The following DST variants were observed in gnomAD, a reference collection of about 807,000 sequenced individuals.
DST encodes dystonin.
In DST, 253 loss-of-function variants were observed where a neutral mutation model predicts 875.2. That is an observed-to-expected ratio of 0.29 (90% CI 0.26 to 0.32). The LOEUF (loss-of-function observed/expected upper bound fraction) is 0.32, where lower values mean the gene tolerates loss of function less well. Ranked by LOEUF, DST falls within the 10% of genes least tolerant of loss-of-function variation. The pLI is 1.00. For synonymous variants in DST, 3,124 were observed against 3,197.1 expected, an observed-to-expected ratio of 0.98 and a Z score of 0.77; for missense variants, 8,287 against 9,111.6, an observed-to-expected ratio of 0.91 and a Z score of 3.68.
chr6:56,557,362 G>A lies in DST; in HGVS notation c.14597C>T (p.Ser4866Leu). The A allele has an allele frequency of 2.5e-6, 4 of 1,613,660 alleles. No individual in the cohort carries two copies. Among genetic ancestry groups the A allele is most frequent in the South Asian group, 1.1e-5 (1 of 91,034 alleles). The change falls in exon 59 of 104, where the codon TCA becomes TTA. Residue 4866 changes from serine (S) to leucine (L), a missense_variant. By Grantham distance (145) the Ser-to-Leu change is moderately radical. Around this residue, in one of 10 missense-constraint regions of DST, gnomAD observed 1,513 missense variants for 1,677.8 expected, o/e 0.90. Transcript: ENST00000680361. The stretch of plus-strand genomic sequence containing the variant: ...TGTGTTTAGCATATTTGGGTCAATT[G>A]ACAAGGGCCCAAGAACACTGACCAT... ...ELMVSVLGPL[S>L]IDPNMLNTQR...
chr6:56,925,797 C>T (rs1806763265), intron 2 of DST, among the ~76,000 whole-genome samples: 1 of 152,218 alleles, frequency 6.6e-6, no homozygotes. Flanking sequence ...GTCATCTTAT[C>T]TCCCAATGAA....
intron 3 of DST, among the ~76,000 whole-genome samples, chr6:56,866,172 T>C (rs556519538): frequency 1.9e-4 from 29 of 152,128 alleles, no homozygotes; most frequent in African/African-American, 7.0e-4. Context: ...TTTTTTGTAT[T>C]TTTAGTAGAG....
intron 4 of DST, among the ~76,000 whole-genome samples, chr6:56,834,813 A>C (rs990573568): frequency 1.3e-5 from 2 of 152,204 alleles, no homozygotes; most frequent in Non-Finnish European, 2.9e-5. Flanking sequence ...GTTTCTCACA[A>C]AGCTAAACGT....
chr6:56,654,891 T>C lies in DST; in HGVS notation c.1215-3647A>G, dbSNP rs145859408. Among the ~76,000 whole-genome samples the C allele has an allele frequency of 3.8e-3, 585 of 152,294 alleles. 4 individuals carry two copies. The highest frequency in any genetic ancestry group is 0.014 in the African/African-American group (563 of 41,546). ...TGGCTAAAGATCAGGCTGGGCGCAGTGGCTCATGCCTGTAATCCCAGCACT... is the reference window on the plus strand; with the variant it reads ...TGGCTAAAGATCAGGCTGGGCGCAGCGGCTCATGCCTGTAATCCCAGCACT... On this transcript the variant is annotated intron_variant, in intron 10 of 103. Coordinates refer to ENST00000680361, the MANE Select transcript of DST (RefSeq NM_001374736.1).
At chr6:56,812,018 C>T (rs2099760541) in intron 4 of DST, among the ~76,000 whole-genome samples, 1 of 150,648 alleles carries the variant, frequency 6.6e-6, no homozygotes. Flanking sequence ...ATGAGAACTG[C>T]TTGAACCCAG....
chr6:56,562,456 T>C (rs1255690740), intron 55 of DST, among the ~76,000 whole-genome samples: 1 of 151,980 alleles, frequency 6.6e-6, no homozygotes, highest in Admixed American at 6.5e-5. Flanking sequence ...TAAATATTAA[T>C]TCATAAAAAT....
chr6:56,608,655 A>G lies in DST; in HGVS notation c.5973T>C (p.Leu1991=). ...ETMFRLLSAQ[L]LSGGLINSNS... ...TGGAATTGATCAGACCTCCAGAAAG[A>G]AGCTGTGCACTTAACAACCTAAACA... Residue 1991 remains leucine, a synonymous_variant, in exon 40 of 104, where the codon CTT becomes CTC. Coordinates refer to ENST00000680361, the MANE Select transcript of DST (RefSeq NM_001374736.1). 6.2e-7 allele frequency: 1 copy of G among 1,613,224 alleles called. No homozygotes were observed. The highest frequency in any genetic ancestry group is 8.5e-7 in the Non-Finnish European group (1 of 1,179,578).
chr6:56,520,594 G>A (rs2096677442), intron 69 of DST, among the ~76,000 whole-genome samples: 1 of 152,026 alleles, frequency 6.6e-6, no homozygotes, highest in Admixed American at 6.6e-5. Flanking sequence ...ACAGCTGCAG[G>A]TGAACTTAGA....
chr6:56,657,610 G>A (rs1276368953), intron 10 of DST, among the ~76,000 whole-genome samples: 2 of 152,214 alleles, frequency 1.3e-5, no homozygotes, highest in East Asian at 3.9e-4. Flanking sequence ...AGTTTCACGG[G>A]TACACAGCTT....
chr6:56,500,463 GGA>G (rs2096081867), intron 80 of DST, among the ~76,000 whole-genome samples: 1 of 152,098 alleles, frequency 6.6e-6, no homozygotes, highest in South Asian at 2.1e-4. Context: ...ATCAAGTGCA[GGA>G]CATATAACAA....
intron 61 of DST, among the ~76,000 whole-genome samples, chr6:56,545,817 A>G (rs2152541612): frequency 6.6e-6 from 1 of 152,316 alleles, no homozygotes. Context: ...TTGGCCTGAT[A>G]GCTCTTGAAA....
rs1330065307 is a variant in DST at position 56,529,720 on chromosome 6, T to C, written c.17323A>G (p.Ile5775Val). 6.2e-7 allele frequency: 1 copy of C among 1,612,554 alleles called. No individual in the cohort carries two copies. Among genetic ancestry groups the C allele is most frequent in the Non-Finnish European group, 8.5e-7 (1 of 1,179,348 alleles). Reference sequence around the variant, plus strand: ...CTCAAAACCTTTAAGGACTGGCCAATGCTAACAGCCTGGTGTAAATGTTTA... The same window carrying C: ...CTCAAAACCTTTAAGGACTGGCCAACGCTAACAGCCTGGTGTAAATGTTTA... ...HNKHLHQAVS[I>V]GQSLKVLSSR... The change falls in exon 66 of 104, where the codon ATT (isoleucine) becomes GTT (valine). Residue 5775 changes from isoleucine (I) to valine (V), a missense_variant. Transcript: ENST00000680361.
chr6:56,786,218 C>T (rs1466986008), intron 4 of DST, among the ~76,000 whole-genome samples: 1 of 152,184 alleles, frequency 6.6e-6, no homozygotes, highest in Non-Finnish European at 1.5e-5. Context: ...TTCATTCCCC[C>T]ATCTCCAAGT....
rs57546639 is a variant in DST, at chr6:56,492,943, G to A, written c.20541C>T (p.Asp6847=). The A allele has an allele frequency of 6.0e-4, 967 of 1,603,556 alleles. 5 individuals carry two copies. The African/African-American group carries it at 0.012, about 19-fold the overall frequency. ...TTGACTCACTACATACCTTGTGTTC[G>A]TCAATTTGAAATAAGACTGTGTCCA... The part of the protein sequence containing the change: ...LILDTVLFQI[D]EHKVFANEVN... The change falls in exon 84 of 104, where the codon GAC becomes GAT. Residue 6847 remains aspartate (D), a synonymous_variant. Coordinates refer to ENST00000680361, the MANE Select transcript of DST (RefSeq NM_001374736.1).
chr6:56,501,415 T>A, intron 79 of DST, 105 bp downstream of exon 79: 1 of 1,149,264 alleles, frequency 8.7e-7, no homozygotes, highest in Non-Finnish European at 1.2e-6. Flanking sequence ...TAAAATAGAA[T>A]ATATGAGAAG....
chr6:56,705,332 C>T (rs2152884333), intron 5 of DST, among the ~76,000 whole-genome samples: 1 of 152,292 alleles, frequency 6.6e-6, no homozygotes, highest in African/African-American at 2.4e-5. Flanking sequence ...ATGGCACAAG[C>T]CCTGTATACA....
At chr6:56,527,424 T>G (rs2152507910) in intron 68 of DST, 69 bp downstream of exon 68, 1 of 1,522,860 alleles carries the variant, frequency 6.6e-7, no homozygotes, top group East Asian at 2.3e-5. Flanking sequence ...AAATATAATT[T>G]TATTTTTGTG....
In DST at chr6:56,704,331, C is replaced by G; in HGVS notation, c.726G>C (p.Arg242Ser). Residue 242 changes from arginine to serine, a missense_variant, in exon 6 of 104, where the codon AGG becomes AGC. Arg to Ser is a moderately radical substitution (Grantham distance 110). Coordinates refer to ENST00000680361, the MANE Select transcript of DST (RefSeq NM_001374736.1). ...AAAGAGAAATCAAATTGTGTCCATCCCTTAAGTCTTCATAGAGATCATTCA... is the reference window on the plus strand; with the variant it reads ...AAAGAGAAATCAAATTGTGTCCATCGCTTAAGTCTTCATAGAGATCATTCA... ...KHVNDLYEDLRDGHNLISLLE... is the reference protein window; with the variant it reads ...KHVNDLYEDLSDGHNLISLLE... 1 of 1,578,256 alleles carries G rather than the reference C, an allele frequency of 6.3e-7. No homozygotes were observed. The highest frequency in any genetic ancestry group is 8.6e-7 in the Non-Finnish European group (1 of 1,160,832).
chr6:56,579,210 C>T (rs1271443006), intron 49 of DST, among the ~76,000 whole-genome samples: 5 of 152,172 alleles, frequency 3.3e-5, no homozygotes, highest in African/African-American at 1.2e-4. Context: ...GGTTCCTGAT[C>T]ATACAACCCT....
Sources: gnomAD v4.1 joint callset for allele counts (sites outside exome capture counted in the v4.1 genomes callset) on GRCh38, gnomAD v4.1.1 for gene constraint, gnomAD v4.1.1 regional missense constraint, MANE v1.5 for transcripts, NCBI Gene and HGNC (gene_info 2026-07-23, HGNC 2026-07-21) for gene names.